PCDHA13: variants seen among roughly 807,000 people sequenced by gnomAD.
PCDHA13 encodes protocadherin alpha-13.
A neutral mutation model predicts 64.8 loss-of-function variants in PCDHA13; 54 were observed. The ratio of observed to expected loss-of-function variants is 0.83; its 90% CI spans 0.67 to 1.04. PCDHA13 has a LOEUF of 1.04. Ranked by LOEUF, PCDHA13 falls within the 50% of genes least tolerant of loss-of-function variation. The pLI is 0.00. For synonymous variants in PCDHA13, 587 were observed against 564.4 expected (o/e 1.04, Z -0.57); for missense variants, 1,248 against 1,254.3 (o/e 0.99, Z 0.08).
Position 140,882,226 on chromosome 5 carries a change from G to A in PCDHA13, c.-43G>A, listed in dbSNP as rs778262653. ...CTTGAGAGACAGTTTGAGGTAAGGC[G>A]TTGTATATATTGCAGATAGCTCTGA... On this transcript the variant is annotated 5_prime_UTR_variant, in exon 1 of 4. Coordinates refer to ENST00000289272, the MANE Select transcript of PCDHA13 (RefSeq NM_018904.3). 1.3e-6 allele frequency: 2 copies of A among 1,564,150 alleles called. No homozygotes were observed. Among genetic ancestry groups the A allele is most frequent in the Non-Finnish European group, 1.7e-6 (2 of 1,154,892 alleles).
In PCDHA13 at chr5:141,009,853, G is replaced by A. The variant is rs1482682626; in HGVS notation, c.2769G>A (p.Lys923=). The change falls in exon 4 of 4, where the codon AAG becomes AAA. Residue 923 remains lysine (K), a synonymous_variant. Transcript: ENST00000289272. ...FITFGKKEET[K]KKKKKKKGNK... ...CCTTCGGCAAAAAGGAGGAGACCAAGAAAAAGAAGAAAAAGAAGAAGGGTA... is the reference window on the plus strand; with the variant it reads ...CCTTCGGCAAAAAGGAGGAGACCAAAAAAAAGAAGAAAAAGAAGAAGGGTA... 12 of 1,613,590 alleles carry A rather than the reference G, an allele frequency of 7.4e-6. No individual in the cohort carries two copies. Among genetic ancestry groups the A allele is most frequent in the Non-Finnish European group, 1.0e-5 (12 of 1,179,924 alleles).
At chr5:140,907,071 C>T (rs1220660624) in intron 1 of PCDHA13, among the ~76,000 whole-genome samples, 1 of 152,156 alleles carries the variant, frequency 6.6e-6, no homozygotes, top group African/African-American at 2.4e-5. Flanking sequence ...TAGTGGGTCA[C>T]TAGGGGTGAT....
intron 1 of PCDHA13, among the ~76,000 whole-genome samples, chr5:140,955,285 G>T (rs2095164466): frequency 6.6e-6 from 1 of 151,896 alleles, no homozygotes; most frequent in Non-Finnish European, 1.5e-5. Context: ...ATATTGATAT[G>T]GTTTGGCTGT....
At chr5:140,917,245 G>A (rs2077971406) in intron 1 of PCDHA13, among the ~76,000 whole-genome samples, 1 of 149,588 alleles carries the variant, frequency 6.7e-6, no homozygotes, top group Non-Finnish European at 1.5e-5. Context: ...TAGGTACTAC[G>A]ATTGCTCACC....
chr5:140,950,071 T>C (rs560042578), intron 1 of PCDHA13, among the ~76,000 whole-genome samples: 20 of 152,098 alleles, frequency 1.3e-4, no homozygotes, highest in African/African-American at 4.8e-4. Context: ...TCCTGTGCCA[T>C]TGCTTATGCT....
intron 1 of PCDHA13, among the ~76,000 whole-genome samples, chr5:140,959,621 A>G (rs1198133284): frequency 6.6e-6 from 1 of 152,152 alleles, no homozygotes; most frequent in African/African-American, 2.4e-5. Flanking sequence ...CTTGTGATAG[A>G]AAAAAAGAGA....
chr5:140,927,218 A>T, intron 1 of PCDHA13: 1 of 1,614,090 alleles, frequency 6.2e-7, no homozygotes, highest in Non-Finnish European at 8.5e-7. Flanking sequence ...GAGCTGCACA[A>T]GATTCGGATT....
chr5:140,885,870 A>T (rs1302417773), intron 1 of PCDHA13, among the ~76,000 whole-genome samples: 1 of 152,162 alleles, frequency 6.6e-6, no homozygotes, highest in African/African-American at 2.4e-5. Context: ...TATTGAAAAA[A>T]AATTTTTAGT....
intron 3 of PCDHA13, among the ~76,000 whole-genome samples, chr5:140,991,446 A>G (rs782325342): frequency 6.6e-6 from 1 of 152,202 alleles, no homozygotes; most frequent in Non-Finnish European, 1.5e-5. Flanking sequence ...ATGGCTTAAA[A>G]CAACACAATG....
chr5:140,951,503 A>G (rs1554219922), intron 1 of PCDHA13, among the ~76,000 whole-genome samples: 1 of 151,992 alleles, frequency 6.6e-6, no homozygotes, highest in African/African-American at 2.4e-5. Flanking sequence ...AGGCAAAAGG[A>G]AAGCGGCTCA....
intron 1 of PCDHA13, among the ~76,000 whole-genome samples, chr5:140,941,208 T>TTCCTTTCTTTCTTTCTTTCTTTCG (rs2092839762): frequency 9.1e-6 from 1 of 109,450 alleles, no homozygotes; most frequent in Non-Finnish European, 2.0e-5. Context: ...TCTTCCTTTC[T>TTCCTTTCTTTCTTTCTTTCTTTCG]TTCTTCCTTT....
chr5:140,950,981 TG>T (rs1443074941), intron 1 of PCDHA13, among the ~76,000 whole-genome samples: 1 of 152,138 alleles, frequency 6.6e-6, no homozygotes, highest in East Asian at 1.9e-4. Context: ...CATTGACTTT[TG>T]CCTCTTTTAG....
intron 1 of PCDHA13, among the ~76,000 whole-genome samples, chr5:140,890,607 T>A (rs2062708566): frequency 6.6e-6 from 1 of 152,184 alleles, no homozygotes; most frequent in Non-Finnish European, 1.5e-5. Context: ...GAATAGCTAG[T>A]GCTTACCCTA....
At chr5:140,993,510 G>A (rs144120217) in intron 3 of PCDHA13, among the ~76,000 whole-genome samples, 7 of 129,138 alleles carry the variant, frequency 5.4e-5, no homozygotes, top group African/African-American at 1.4e-4. Context: ...ACACACACAC[G>A]GGGAGAGAGA....
chr5:140,967,385 C>G (rs2096135382), intron 1 of PCDHA13: 1 of 1,608,920 alleles, frequency 6.2e-7, no homozygotes, highest in African/African-American at 1.3e-5. Flanking sequence ...CAGTAAAGTG[C>G]TTGAGCTGGT....
chr5:140,967,340 C>G, intron 1 of PCDHA13: 1 of 1,607,862 alleles, frequency 6.2e-7, no homozygotes. Flanking sequence ...CCCCAGCGAG[C>G]ACTTCGAGCT....
rs1554181328 is a variant in PCDHA13, at chr5:140,884,206, C to T, written c.1938C>T (p.Arg646=). The T allele has an allele frequency of 6.2e-7, 1 of 1,613,542 alleles. No individual in the cohort carries two copies. Among genetic ancestry groups the T allele is most frequent in the Admixed American group, 1.7e-5 (1 of 60,004 alleles). Residue 646 remains arginine, a synonymous_variant, in exon 1 of 4, where the codon CGC becomes CGT. Coordinates refer to ENST00000289272, the MANE Select transcript of PCDHA13 (RefSeq NM_018904.3). ...PLDEVDAPHH[R]LLVLVKDHGE... ...ACGAGGTGGACGCGCCGCACCACCG[C>T]CTTCTGGTGCTGGTGAAGGACCACG...
In PCDHA13 at chr5:140,972,962, A is replaced by G. The variant is rs550755148; in HGVS notation, c.2395-5987A>G. Among the ~76,000 whole-genome samples the G allele has an allele frequency of 1.5e-3, 231 of 152,144 alleles. 1 individual carries two copies. The highest frequency in any genetic ancestry group is 2.9e-3 in the Non-Finnish European group (194 of 67,976). ...CAGATGTGAGCCACCATGCCCGGCA[A>G]AGGAAACCAAATCTTAAGGTAGATT... On this transcript the variant is annotated intron_variant, in intron 1 of 3. Transcript: ENST00000289272.
chr5:140,968,371 C>T (rs1554230646), intron 1 of PCDHA13: 3 of 1,614,088 alleles, frequency 1.9e-6, no homozygotes, highest in Non-Finnish European at 2.5e-6. Context: ...ATGCTGTCAA[C>T]TCCTTTGACT....
Sources: allele counts gnomAD v4.1 joint callset (sites outside exome capture counted in the v4.1 genomes callset), GRCh38; gene constraint gnomAD v4.1.1; transcripts MANE v1.5; gene names NCBI Gene and HGNC (gene_info 2026-07-23, HGNC 2026-07-21).